The following EYS variants were observed in gnomAD, a reference collection of about 807,000 sequenced individuals.
EYS encodes protein eyes shut homolog.
A neutral mutation model predicts 282.1 loss-of-function variants in EYS; 250 were observed. The observed-to-expected ratio is 0.89, with a 90% CI of 0.80 to 0.98. EYS has a LOEUF of 0.98. EYS is among the 50% of genes least tolerant of loss of function. The probability of loss-of-function intolerance (pLI) is 0.00; values close to 1 mark genes in which losing one functional copy is unlikely to be tolerated. For synonymous variants in EYS, 1,355 were observed against 1,282.9 expected (o/e 1.06, Z -1.20); for missense variants, 4,016 against 3,709.0 (o/e 1.08, Z -2.15).
At chr6:63,917,235 A>C (rs1362968837) in intron 35 of EYS, among the ~76,000 whole-genome samples, 1 of 152,194 alleles carries the variant, frequency 6.6e-6, no homozygotes, top group Non-Finnish European at 1.5e-5. Flanking sequence ...CATCTTTCTG[A>C]AGGTCAGTTG....
chr6:65,111,650 C>T (rs1775214787), intron 12 of EYS, among the ~76,000 whole-genome samples: 1 of 152,050 alleles, frequency 6.6e-6, no homozygotes, highest in Non-Finnish European at 1.5e-5. Context: ...GAGTTCGAGA[C>T]CAGCCTGACC....
intron 12 of EYS, among the ~76,000 whole-genome samples, chr6:65,267,118 T>C (rs994668563): frequency 6.6e-6 from 1 of 151,638 alleles, no homozygotes. Context: ...CCTCGGCTTT[T>C]CAGAAGCATG....
At position 65,296,048 on chromosome 6, in the gene EYS, C is replaced by A. The variant is rs1768655149; in HGVS notation, c.1838G>T (p.Ser613Ile). ...VNVDYCLGNH[S>I]ISVHGLCLAL... ...CAGGCAGAGGCCATGCACTGATATACTGTGGTTCCCTAAGCAATAGTCAAC... is the reference window on the plus strand; with the variant it reads ...CAGGCAGAGGCCATGCACTGATATAATGTGGTTCCCTAAGCAATAGTCAAC... The change falls in exon 12 of 43, where the codon AGT becomes ATT. Residue 613 changes from serine (S) to isoleucine (I), a missense_variant. Physicochemically the swap from Ser to Ile is moderately radical, Grantham distance 142 (BLOSUM62 -2). Coordinates refer to ENST00000503581, the MANE Select transcript of EYS (RefSeq NM_001142800.2). 1 of 1,550,804 alleles carries A rather than the reference C, an allele frequency of 6.4e-7. No individual in the cohort carries two copies. The highest frequency in any genetic ancestry group is 1.4e-5 in the African/African-American group (1 of 72,980).
chr6:64,912,810 A>C (rs947584573), intron 15 of EYS, 67 bp from the exon 16 acceptor site: 10 of 1,038,938 alleles, frequency 9.6e-6, no homozygotes, highest in Non-Finnish European at 1.2e-5. Flanking sequence ...TGTATTTTTA[A>C]TTACTCCCTT....
chr6:64,935,825 A>G (rs891799397), intron 15 of EYS, among the ~76,000 whole-genome samples: 4 of 151,760 alleles, frequency 2.6e-5, no homozygotes, highest in African/African-American at 9.7e-5. Flanking sequence ...GTGTTCCACA[A>G]AATAAGTACA....
chr6:65,622,759 T>C (rs550450666), intron 2 of EYS, among the ~76,000 whole-genome samples: 173 of 151,184 alleles, frequency 1.1e-3, no homozygotes, highest in Non-Finnish European at 2.0e-3. Context: ...ATCTTTCTTT[T>C]TTTTTTTTTT....
intron 1 of EYS, among the ~76,000 whole-genome samples, chr6:65,702,730 A>C (rs1769723868): frequency 6.6e-6 from 1 of 151,742 alleles, no homozygotes; most frequent in Admixed American, 6.6e-5. Context: ...ATAATAAAAT[A>C]AAATATATAA....
chr6:65,127,734 T>C (rs1775760839), intron 12 of EYS, among the ~76,000 whole-genome samples: 1 of 152,062 alleles, frequency 6.6e-6, no homozygotes, highest in African/African-American at 2.4e-5. Flanking sequence ...ATAGCAGTGG[T>C]CCCTTCAGTA....
intron 2 of EYS, among the ~76,000 whole-genome samples, chr6:65,625,525 A>T: frequency 6.6e-6 from 1 of 152,226 alleles, no homozygotes; most frequent in East Asian, 1.9e-4. Context: ...GACTTGCCTC[A>T]GTTAACAAAA....
intron 31 of EYS, among the ~76,000 whole-genome samples, chr6:64,092,606 T>C (rs1345794365): frequency 1.3e-5 from 2 of 152,248 alleles, no homozygotes; most frequent in Non-Finnish European, 2.9e-5. Flanking sequence ...GTTCTTTGTT[T>C]TTTTTCTTGT....
At chr6:65,343,245 G>T (rs1480279189) in intron 10 of EYS, among the ~76,000 whole-genome samples, 1 of 151,162 alleles carries the variant, frequency 6.6e-6, no homozygotes, top group Non-Finnish European at 1.5e-5. Context: ...AATATAAATT[G>T]ATACATTAAT....
At chr6:63,832,521 C>T (rs552705050) in intron 36 of EYS, among the ~76,000 whole-genome samples, 3 of 151,968 alleles carry the variant, frequency 2.0e-5, no homozygotes, top group South Asian at 2.1e-4. Context: ...ACCAGGAAGA[C>T]GTTGAATCCC....
chr6:64,623,378 C>T (rs764120387), intron 23 of EYS, among the ~76,000 whole-genome samples: 4 of 152,100 alleles, frequency 2.6e-5, no homozygotes, highest in Non-Finnish European at 4.4e-5. Context: ...CTTAGCTTTG[C>T]CACTAACATG....
intron 5 of EYS, among the ~76,000 whole-genome samples, chr6:65,471,434 TAATAA>T (rs1242312586): frequency 6.6e-6 from 1 of 151,936 alleles, no homozygotes; most frequent in Non-Finnish European, 1.5e-5. Context: ...TAAAATCAAC[TAATAA>T]AATAAAGATA....
At chr6:64,675,887 AC>A (rs1306642069) in intron 22 of EYS, among the ~76,000 whole-genome samples, 2 of 150,330 alleles carry the variant, frequency 1.3e-5, no homozygotes, top group African/African-American at 2.4e-5. Context: ...ATAATATGAA[AC>A]TTTTAGACAT....
chr6:64,797,237 G>A, intron 22 of EYS, among the ~76,000 whole-genome samples: 1 of 151,922 alleles, frequency 6.6e-6, no homozygotes, highest in Admixed American at 6.6e-5. Flanking sequence ...AAGTATGATA[G>A]CAAGAATACC....
chr6:64,292,253 T>A (rs369449914), intron 30 of EYS, among the ~76,000 whole-genome samples: 1 of 152,240 alleles, frequency 6.6e-6, no homozygotes, highest in East Asian at 1.9e-4. Context: ...TGCAGCATAT[T>A]AACCATGTGT....
chr6:64,538,308 C>T (rs906999220), intron 26 of EYS, among the ~76,000 whole-genome samples: 3 of 152,056 alleles, frequency 2.0e-5, no homozygotes, highest in Non-Finnish European at 4.4e-5. Context: ...AAATATATTG[C>T]TTAAAATCTA....
chr6:65,688,977 G>A, intron 1 of EYS, among the ~76,000 whole-genome samples: 1 of 151,110 alleles, frequency 6.6e-6, no homozygotes, highest in Non-Finnish European at 1.5e-5. Context: ...GATTCCTCAG[G>A]GATCTAGAAC....
Sources: allele counts gnomAD v4.1 joint callset (sites outside exome capture counted in the v4.1 genomes callset), GRCh38; gene constraint gnomAD v4.1.1; transcripts MANE v1.5; gene names NCBI Gene and HGNC (gene_info 2026-07-23, HGNC 2026-07-21).